The following TIAM1 variants were observed in gnomAD, a reference collection of about 807,000 sequenced individuals.
TIAM1 encodes the protein TIAM Rac1 associated GEF 1.
A neutral mutation model predicts 163.5 loss-of-function variants in TIAM1; 65 were observed. That is an observed-to-expected ratio of 0.40 (90% CI 0.33 to 0.49). The LOEUF (loss-of-function observed/expected upper bound fraction) is 0.49. Ranked by LOEUF, TIAM1 falls within the 20% of genes least tolerant of loss-of-function variation. The pLI, the probability that TIAM1 is intolerant of heterozygous loss-of-function variation, is 0.77. For synonymous variants in TIAM1, 833 were observed against 810.1 expected (o/e 1.03, Z -0.48); for missense variants, 1,789 against 2,044.7 (o/e 0.87, Z 2.41).
chr21:31,502,268 A>G (rs578140973), intron 1 of TIAM1, among the ~76,000 whole-genome samples: 1 of 151,948 alleles, frequency 6.6e-6, no homozygotes, highest in South Asian at 2.1e-4. Context: ...CAATTTTATT[A>G]TTTGTTTTTT....
intron 2 of TIAM1, among the ~76,000 whole-genome samples, chr21:31,304,996 T>C (rs116758457): frequency 8.4e-4 from 128 of 152,326 alleles, no homozygotes; most frequent in African/African-American, 2.7e-3. Flanking sequence ...ACCCAGCCCA[T>C]TGAATTTCTA....
At chr21:31,388,339 G>T (rs900012845) in intron 2 of TIAM1, among the ~76,000 whole-genome samples, 3 of 151,748 alleles carry the variant, frequency 2.0e-5, no homozygotes, top group African/African-American at 7.3e-5. Flanking sequence ...AGGGGACAGG[G>T]TGGTCAAGAG....
chr21:31,248,064 T>A (rs897992458), intron 5 of TIAM1, among the ~76,000 whole-genome samples: 4 of 152,140 alleles, frequency 2.6e-5, no homozygotes, highest in African/African-American at 9.7e-5. Context: ...GCATCCACAA[T>A]GCCCAAGACA....
At chr21:31,369,053 C>T (rs1301308523) in intron 2 of TIAM1, among the ~76,000 whole-genome samples, 2 of 151,708 alleles carry the variant, frequency 1.3e-5, no homozygotes, top group Admixed American at 6.6e-5. Context: ...GGTGAAACCC[C>T]ATCTCTACTA....
At chr21:31,485,729 A>ACAC (rs2046250614) in intron 1 of TIAM1, among the ~76,000 whole-genome samples, 2 of 152,070 alleles carry the variant, frequency 1.3e-5, no homozygotes, top group Non-Finnish European at 2.9e-5. Context: ...AACAATTCCA[A>ACAC]CACCACCACC....
At position 31,222,707 on chromosome 21, in the gene TIAM1, ATTTTTTTTTTTTTT is replaced by A. The variant is rs527864043; in HGVS notation, c.1995+685_1995+698del. ...TATATATATATATATATATATATAT[ATTTTTTTTTTTTTT>A]TTTTTTTTTTTTTTGAGACAGAGTC... On this transcript the variant is annotated intron_variant, in intron 8 of 27. Transcript: ENST00000541036. Among the ~76,000 whole-genome samples the A allele has an allele frequency of 1.5e-3, 48 of 32,870 alleles. 1 individual carries two copies. Among genetic ancestry groups the A allele is most frequent in the African/African-American group, 6.0e-3 (44 of 7,358 alleles). The allele number at this position is 32,870 out of a possible 152,430, so 21.6% of individuals were successfully genotyped here.
intron 1 of TIAM1, among the ~76,000 whole-genome samples, chr21:31,486,758 C>T (rs957822174): frequency 6.6e-6 from 1 of 152,186 alleles, no homozygotes; most frequent in Non-Finnish European, 1.5e-5. Flanking sequence ...GTGGGGCAGT[C>T]CCAGGGCAGA....
At chr21:31,546,847 A>C (rs1404289840) in intron 1 of TIAM1, among the ~76,000 whole-genome samples, 2 of 152,194 alleles carry the variant, frequency 1.3e-5, no homozygotes, top group African/African-American at 2.4e-5. Context: ...GTTCTCTAGC[A>C]ACCATAATGC....
chr21:31,245,628 T>C lies in TIAM1; in HGVS notation c.1444A>G (p.Arg482Gly), dbSNP rs1331389158. The change falls in exon 6 of 28, where the codon AGG (arginine) becomes GGG (glycine). Residue 482 changes from arginine to glycine, a missense_variant. Arg to Gly is a moderately radical substitution (Grantham distance 125). This residue lies in a region of TIAM1 where 456 missense variants were observed against 586.6 expected (regional missense o/e 0.78). Coordinates refer to ENST00000541036, the MANE Select transcript of TIAM1 (RefSeq NM_001353694.2). ...CTLFFYESDGRSGIDHNSIPK... is the reference protein window; with the variant it reads ...CTLFFYESDGGSGIDHNSIPK... ...ATGCTGTTGTGGTCTATCCCAGACCTGCCGTCGCTCTCGTAGAAAAATAGC... is the reference window on the plus strand; with the variant it reads ...ATGCTGTTGTGGTCTATCCCAGACCCGCCGTCGCTCTCGTAGAAAAATAGC... 1.3e-6 allele frequency: 2 copies of C among 1,588,486 alleles called. No homozygotes were observed. Among genetic ancestry groups the C allele is most frequent in the Non-Finnish European group, 8.6e-7 (1 of 1,167,368 alleles).
intron 2 of TIAM1, among the ~76,000 whole-genome samples, chr21:31,281,896 T>C (rs761321131): frequency 3.8e-4 from 58 of 152,216 alleles, no homozygotes; most frequent in Middle Eastern, 3.4e-3. Flanking sequence ...GGCAGATGGA[T>C]GGATGTAGAT....
chr21:31,177,862 A>G (rs982747600), intron 15 of TIAM1, among the ~76,000 whole-genome samples: 16 of 152,200 alleles, frequency 1.1e-4, no homozygotes, highest in African/African-American at 3.9e-4. Flanking sequence ...TCCAGCAGCC[A>G]GGTAGCAGCC....
At chr21:31,460,785 G>C (rs950271548) in intron 2 of TIAM1, among the ~76,000 whole-genome samples, 6 of 152,126 alleles carry the variant, frequency 3.9e-5, no homozygotes, top group Admixed American at 3.9e-4. Flanking sequence ...TTATAAAACA[G>C]AATCTTTGGT....
At chr21:31,255,626 G>C (rs566864463) in intron 4 of TIAM1, among the ~76,000 whole-genome samples, 110 of 152,272 alleles carry the variant, frequency 7.2e-4, no homozygotes, top group Non-Finnish European at 1.4e-3. Flanking sequence ...TAGTCCCAGG[G>C]GAGCCTCAGC....
chr21:31,152,877 C>G, intron 18 of TIAM1, 116 bp from the exon 19 acceptor site: 1 of 1,450,744 alleles, frequency 6.9e-7, no homozygotes, highest in Non-Finnish European at 9.3e-7. Flanking sequence ...AATAATCCCA[C>G]TACCAGAGAG....
At chr21:31,135,414 T>C (rs2082581333) in intron 23 of TIAM1, among the ~76,000 whole-genome samples, 1 of 152,190 alleles carries the variant, frequency 6.6e-6, no homozygotes, top group African/African-American at 2.4e-5. Flanking sequence ...GGCAATGCGA[T>C]TGGGATGCAC....
At chr21:31,228,244 A>ATT (rs1569068929) in intron 6 of TIAM1, among the ~76,000 whole-genome samples, 15 of 51,904 alleles carry the variant, frequency 2.9e-4, no homozygotes, top group South Asian at 1.1e-3. Context: ...AAAAAAAAAA[A>ATT]AAAAAAAAAA....
At chr21:31,280,549 T>C (rs149024575) in intron 2 of TIAM1, among the ~76,000 whole-genome samples, 1 of 152,294 alleles carries the variant, frequency 6.6e-6, no homozygotes, top group African/African-American at 2.4e-5. Context: ...TCAATTCATA[T>C]GGCCAATTTC....
At chr21:31,377,175 G>A (rs2076701960) in intron 2 of TIAM1, among the ~76,000 whole-genome samples, 1 of 107,044 alleles carries the variant, frequency 9.3e-6, no homozygotes, top group Non-Finnish European at 1.8e-5. Context: ...CACTGCACCT[G>A]GCTGAAACTT....
At chr21:31,473,675 G>C (rs181721883) in intron 1 of TIAM1, among the ~76,000 whole-genome samples, 39 of 152,072 alleles carry the variant, frequency 2.6e-4, no homozygotes, top group Admixed American at 2.3e-3. Flanking sequence ...GAAGTGGAGA[G>C]AAAAAGTAGC....
Sources: allele counts gnomAD v4.1 joint callset (sites outside exome capture counted in the v4.1 genomes callset), GRCh38; gene constraint gnomAD v4.1.1; regional missense constraint gnomAD v4.1.1; transcripts MANE v1.5; gene names NCBI Gene and HGNC (gene_info 2026-07-23, HGNC 2026-07-21).